The following SYN2 variants were observed in gnomAD, a reference collection of about 807,000 sequenced individuals.
The protein encoded by SYN2 is synapsin II.
A neutral mutation model predicts 50.9 loss-of-function variants in SYN2; 19 were observed. That is an observed-to-expected ratio of 0.37 (90% CI 0.26 to 0.55). The LOEUF is 0.55. Among genes scored for constraint, SYN2 ranks in the 20% least tolerant of loss-of-function variants. The pLI is 0.81. For synonymous variants in SYN2, 255 were observed against 224.9 expected, an observed-to-expected ratio of 1.13 and a Z score of -1.20; for missense variants, 587 against 576.4, an observed-to-expected ratio of 1.02 and a Z score of -0.19.
In SYN2 at chr3:12,167,243, G is replaced by A. The variant is rs770149457; in HGVS notation, c.990G>A (p.Ser330=). The part of the protein sequence containing the change: ...GNNYKAYMRT[S]ISGNWKTNTG... The stretch of plus-strand genomic sequence containing the variant: ...TGGGATCTTGTTGCAGGAGGACATC[G>A]ATCTCAGGGAACTGGAAGACGAACA... The change falls in exon 8 of 13, where the codon TCG becomes TCA. Residue 330 remains serine, a synonymous_variant. Coordinates refer to ENST00000621198, the MANE Select transcript of SYN2 (RefSeq NM_133625.6). The A allele has an allele frequency of 1.4e-5, 23 of 1,612,716 alleles. No homozygotes were observed. The highest frequency in any genetic ancestry group is 3.3e-4 in the Middle Eastern group (2 of 6,082).
chr3:12,093,018 A>G (rs1695861120), intron 1 of SYN2, among the ~76,000 whole-genome samples: 1 of 152,092 alleles, frequency 6.6e-6, no homozygotes, highest in Non-Finnish European at 1.5e-5. Context: ...CCTCTCCCAC[A>G]GGGTGCCTTT....
chr3:12,155,853 G>A (rs761695032), intron 5 of SYN2, among the ~76,000 whole-genome samples: 17 of 152,194 alleles, frequency 1.1e-4, no homozygotes, highest in Non-Finnish European at 2.2e-4. Context: ...AATAGAGTTT[G>A]AAAGGGCCTG....
chr3:12,128,185 T>A (rs571280576), intron 1 of SYN2, among the ~76,000 whole-genome samples: 1 of 152,256 alleles, frequency 6.6e-6, no homozygotes, highest in African/African-American at 2.4e-5. Context: ...ACTCAAGTAA[T>A]CCTCCCGCCT....
chr3:12,187,719 A>G, intron 12 of SYN2, 107 bp downstream of exon 12: 4 of 1,394,864 alleles, frequency 2.9e-6, no homozygotes, highest in Non-Finnish European at 3.8e-6. Context: ...CCTCCTACAG[A>G]TATTTTGTGA....
chr3:12,053,373 A>G (rs1438307509), intron 1 of SYN2, among the ~76,000 whole-genome samples: 2 of 151,936 alleles, frequency 1.3e-5, no homozygotes, highest in African/African-American at 4.8e-5. Flanking sequence ...GTGAGCCGAG[A>G]TCACACCACT....
intron 1 of SYN2, among the ~76,000 whole-genome samples, chr3:12,084,890 A>C (rs1317661941): frequency 6.6e-6 from 1 of 152,178 alleles, no homozygotes. Context: ...TAGTAGATAC[A>C]CAAAAGATAA....
intron 1 of SYN2, among the ~76,000 whole-genome samples, chr3:12,110,569 G>A (rs1899401): frequency 0.036 from 5,478 of 152,310 alleles, 307 homozygotes; most frequent in African/African-American, 0.12. Flanking sequence ...CCCTGCAGCA[G>A]ACTTCTTCCT....
intron 1 of SYN2, among the ~76,000 whole-genome samples, chr3:12,028,707 A>G (rs1408988196): frequency 8.8e-5 from 13 of 147,042 alleles, no homozygotes; most frequent in Non-Finnish European, 1.7e-4. Context: ...TCCTTCGCCC[A>G]CTTTTTGATG....
At chr3:12,145,625 A>ATG (rs1697128204) in intron 3 of SYN2, 54 bp from the exon 4 acceptor site, 1 of 1,585,884 alleles carries the variant, frequency 6.3e-7, no homozygotes, top group African/African-American at 1.3e-5. Flanking sequence ...AACCAAAATG[A>ATG]TGTATGGCCT....
At chr3:12,120,125 T>G (rs1696521836) in intron 1 of SYN2, among the ~76,000 whole-genome samples, 1 of 152,100 alleles carries the variant, frequency 6.6e-6, no homozygotes, top group Non-Finnish European at 1.5e-5. Context: ...CCATAGAACA[T>G]GGTTTGAGAA....
chr3:12,127,198 C>G (rs1574954784), intron 1 of SYN2, among the ~76,000 whole-genome samples: 1 of 152,068 alleles, frequency 6.6e-6, no homozygotes, highest in Non-Finnish European at 1.5e-5. Context: ...CTTTTTAGAG[C>G]TTTTGAATGT....
chr3:12,160,842 T>G (rs1697629346), intron 5 of SYN2, among the ~76,000 whole-genome samples: 1 of 152,242 alleles, frequency 6.6e-6, no homozygotes, highest in Non-Finnish European at 1.5e-5. Context: ...GGATAATCCT[T>G]CTTTTAAGGT....
intron 1 of SYN2, among the ~76,000 whole-genome samples, chr3:12,103,611 T>C (rs1696120693): frequency 6.6e-6 from 1 of 152,156 alleles, no homozygotes; most frequent in Non-Finnish European, 1.5e-5. Context: ...CATATTTACA[T>C]TAAAGATTGA....
At chr3:12,158,774 G>A (rs939174807) in intron 5 of SYN2, 14 of 1,605,168 alleles carry the variant, frequency 8.7e-6, no homozygotes, top group East Asian at 4.5e-5. Context: ...AGCCCCGGGG[G>A]CCGCAGCAAC....
chr3:12,015,010 G>A (rs1693998183), intron 1 of SYN2, among the ~76,000 whole-genome samples: 6 of 152,180 alleles, frequency 3.9e-5, no homozygotes, highest in Admixed American at 3.3e-4. Context: ...TGATCTGACT[G>A]CTTACTTCTC....
chr3:12,179,270 AG>A (rs11328894), intron 10 of SYN2, among the ~76,000 whole-genome samples: 141,975 of 151,704 alleles, frequency 0.94, 66,515 homozygotes, highest in East Asian at 1. Flanking sequence ...CAATAACCCT[AG>A]GGGTCTTGCT....
chr3:12,071,353 A>G (rs992552414), intron 1 of SYN2: 7 of 567,070 alleles, frequency 1.2e-5, no homozygotes, highest in Non-Finnish European at 2.1e-5. Context: ...GTCCACCGCA[A>G]ATGCTTCTAA....
intron 1 of SYN2, among the ~76,000 whole-genome samples, chr3:12,045,994 A>C (rs1694729641): frequency 6.6e-6 from 1 of 152,208 alleles, no homozygotes; most frequent in Non-Finnish European, 1.5e-5. Flanking sequence ...TTCATTCTCA[A>C]AGGAACCCAT....
intron 1 of SYN2, among the ~76,000 whole-genome samples, chr3:12,059,869 C>T (rs1243907770): frequency 6.6e-6 from 1 of 152,124 alleles, no homozygotes; most frequent in African/African-American, 2.4e-5. Context: ...ATTCATTAAA[C>T]TGTAAGGATG....
Sources: gnomAD v4.1 joint callset for allele counts (sites outside exome capture counted in the v4.1 genomes callset) on GRCh38, gnomAD v4.1.1 for gene constraint, MANE v1.5 for transcripts, NCBI Gene and HGNC (gene_info 2026-07-23, HGNC 2026-07-21) for gene names.